MEF2B: variants seen among roughly 807,000 people sequenced by gnomAD.
The protein encoded by MEF2B is myocyte enhancer factor 2B.
MEF2B carries 15 observed loss-of-function variants against 32.2 expected under a neutral mutation model. The ratio of observed to expected loss-of-function variants is 0.47; its 90% CI spans 0.31 to 0.72. The LOEUF (loss-of-function observed/expected upper bound fraction) is 0.72. MEF2B is among the 30% of genes least tolerant of loss of function. The pLI is 0.05. For synonymous variants in MEF2B, 205 were observed against 225.6 expected (o/e 0.91, Z 0.82); for missense variants, 441 against 511.5 (o/e 0.86, Z 1.33).
At chr19:19,167,791 G>T (rs1828937450) in intron 1 of MEF2B, among the ~76,000 whole-genome samples, 1 of 152,200 alleles carries the variant, frequency 6.6e-6, no homozygotes, top group African/African-American at 2.4e-5. Flanking sequence ...CACCTGTTGG[G>T]GGGTCACACA....
intron 1 of MEF2B, among the ~76,000 whole-genome samples, chr19:19,157,634 G>A (rs1325709596): frequency 2.0e-5 from 3 of 152,208 alleles, no homozygotes; most frequent in African/African-American, 7.2e-5. Context: ...GATCACTGGA[G>A]GTCAGGAGTT....
intron 1 of MEF2B, among the ~76,000 whole-genome samples, chr19:19,162,199 G>A (rs550002924): frequency 2.6e-5 from 4 of 152,208 alleles, no homozygotes; most frequent in African/African-American, 9.6e-5. Flanking sequence ...GCTCACTGCA[G>A]CCTCCAATTC....
In MEF2B at chr19:19,145,759, C is replaced by G; in HGVS notation, c.*38G>C. On this transcript the variant is annotated 3_prime_UTR_variant, in exon 9 of 9. Transcript: ENST00000424583. The surrounding 1 kb of genome is among the most constrained non-coding windows in gnomAD (Gnocchi z 4.6). ...GGGTCCCCACGTGCCCTCGCCGTACCTGGCGAGCGCTCTGGGCTGGTGCCA... is the reference window on the plus strand; with the variant it reads ...GGGTCCCCACGTGCCCTCGCCGTACGTGGCGAGCGCTCTGGGCTGGTGCCA... The G allele has an allele frequency of 6.4e-7, 1 of 1,555,902 alleles. No individual in the cohort carries two copies. Among genetic ancestry groups the G allele is most frequent in the South Asian group, 1.2e-5 (1 of 84,454 alleles).
At chr19:19,146,696 G>A (rs374282030) in intron 6 of MEF2B, 46 bp downstream of exon 6, 18 of 1,613,426 alleles carry the variant, frequency 1.1e-5, no homozygotes, top group East Asian at 2.2e-5. Context: ...CACCCAGGTC[G>A]CCCTGCCTGC....
At chr19:19,167,350 CAA>C (rs34446494) in intron 1 of MEF2B, among the ~76,000 whole-genome samples, 46,448 of 98,298 alleles carry the variant, frequency 0.47, 9,885 homozygotes, top group Non-Finnish European at 0.52. Flanking sequence ...GACTCTGTCT[CAA>C]AAAAAAAAAA....
chr19:19,168,176 G>A (rs1289977607), intron 1 of MEF2B, among the ~76,000 whole-genome samples: 2 of 152,030 alleles, frequency 1.3e-5, no homozygotes, highest in Admixed American at 6.6e-5. Flanking sequence ...TTCTTGTCCC[G>A]AATGCCCAAG....
At chr19:19,148,793 C>T (rs986820559) in intron 3 of MEF2B, among the ~76,000 whole-genome samples, 1 of 151,734 alleles carries the variant, frequency 6.6e-6, no homozygotes, top group East Asian at 2.0e-4. Flanking sequence ...CTCACTGCAA[C>T]CTCCGCCTCC....
chr19:19,166,977 G>C (rs1168623619), intron 1 of MEF2B, among the ~76,000 whole-genome samples: 1 of 152,202 alleles, frequency 6.6e-6, no homozygotes, highest in Admixed American at 6.5e-5. Context: ...GCCAAGGTGG[G>C]CTGAGTGCTT....
chr19:19,146,582 A>C lies in MEF2B; in HGVS notation c.742T>G (p.Phe248Val). 1 of 1,592,104 alleles carries C rather than the reference A, an allele frequency of 6.3e-7. No homozygotes were observed. The highest frequency in any genetic ancestry group is 8.5e-7 in the Non-Finnish European group (1 of 1,171,308). The change falls in exon 7 of 9, where the codon TTC becomes GTC. Residue 248 changes from phenylalanine (F) to valine (V), a missense_variant. This residue lies in a region of MEF2B where 326 missense variants were observed against 328.4 expected (regional missense o/e 0.99). Transcript: ENST00000424583. Reference protein sequence around the residue: ...TATPGPPLGSFPFLPGGPPEY... With the variant: ...TATPGPPLGSVPFLPGGPPEY... Reference sequence around the variant, plus strand: ...GGGGGGCCTCCGGGGAGGAAGGGGAAGCTCCCCAGTGGGGGTCCGGGAGTT... The same window carrying C: ...GGGGGGCCTCCGGGGAGGAAGGGGACGCTCCCCAGTGGGGGTCCGGGAGTT...
chr19:19,164,096 A>G (rs2060188229), intron 1 of MEF2B, among the ~76,000 whole-genome samples: 2 of 152,046 alleles, frequency 1.3e-5, no homozygotes, highest in Admixed American at 6.6e-5. Flanking sequence ...CCTCCCTAGT[A>G]GCTGGGATCA....
intron 1 of MEF2B, among the ~76,000 whole-genome samples, chr19:19,158,583 C>T (rs1456222621): frequency 6.9e-6 from 1 of 145,420 alleles, no homozygotes; most frequent in African/African-American, 2.5e-5. Flanking sequence ...CATGGCAAAG[C>T]CCTGTCTGTA....
At chr19:19,149,149 C>T in intron 3 of MEF2B, 77 bp downstream of exon 3, 1 of 1,556,966 alleles carries the variant, frequency 6.4e-7, no homozygotes, top group Non-Finnish European at 8.7e-7. Flanking sequence ...ATCTTTTGTG[C>T]AAACCAAGAG....
At chr19:19,159,993 G>A (rs1326483036) in intron 1 of MEF2B, among the ~76,000 whole-genome samples, 1 of 148,518 alleles carries the variant, frequency 6.7e-6, no homozygotes, top group Non-Finnish European at 1.5e-5. Context: ...TTTTGAGATG[G>A]AGTCTCGCTC....
intron 1 of MEF2B, among the ~76,000 whole-genome samples, chr19:19,161,869 G>C (rs189876596): frequency 1.3e-5 from 2 of 151,042 alleles, no homozygotes. Context: ...GTGCAGTGGC[G>C]TGTTCTCTGC....
At chr19:19,162,696 C>T (rs1011749441) in intron 1 of MEF2B, among the ~76,000 whole-genome samples, 6 of 152,196 alleles carry the variant, frequency 3.9e-5, no homozygotes, top group African/African-American at 1.4e-4. Flanking sequence ...GTTCGAGGGG[C>T]AGGAGTCCAC....
At chr19:19,159,576 T>G (rs1466148134) in intron 1 of MEF2B, among the ~76,000 whole-genome samples, 1 of 151,962 alleles carries the variant, frequency 6.6e-6, no homozygotes, top group Non-Finnish European at 1.5e-5. Context: ...GACCAAAGGG[T>G]GCAGGATGTG....
chr19:19,147,662 G>A, intron 4 of MEF2B, 36 bp downstream of exon 4: 2 of 1,604,748 alleles, frequency 1.2e-6, no homozygotes, highest in African/African-American at 1.3e-5. Flanking sequence ...GGAAGTAGGA[G>A]GAATGCCTCA....
intron 1 of MEF2B, among the ~76,000 whole-genome samples, chr19:19,158,481 G>A (rs2060136084): frequency 6.7e-6 from 1 of 149,888 alleles, no homozygotes; most frequent in Admixed American, 6.6e-5. Flanking sequence ...GGCCAGGCCA[G>A]GCACGGTGGC....
chr19:19,158,279 G>T (rs2060133362), intron 1 of MEF2B, among the ~76,000 whole-genome samples: 1 of 150,942 alleles, frequency 6.6e-6, no homozygotes, highest in Non-Finnish European at 1.5e-5. Flanking sequence ...CTAGAGATGG[G>T]TTTTCACCAT....
Sources: gnomAD v4.1 joint callset for allele counts (sites outside exome capture counted in the v4.1 genomes callset) on GRCh38, gnomAD v4.1.1 for gene constraint, gnomAD v4.1.1 regional missense constraint, Gnocchi (gnomAD v3.1) non-coding constraint, MANE v1.5 for transcripts, NCBI Gene and HGNC (gene_info 2026-07-23, HGNC 2026-07-21) for gene names.